Variants in PPARD observed in about 807,000 individuals in gnomAD.
PPARD encodes the protein peroxisome proliferator-activated receptor delta.
Under a neutral mutation model 39.5 loss-of-function variants are expected in PPARD, and 6 were observed. The observed-to-expected ratio is 0.15, with a 90% confidence interval of 0.08 to 0.30. The LOEUF is 0.30. PPARD is among the 10% of genes least tolerant of loss of function. PPARD has a pLI of 1.00. For missense variants in PPARD, 397 were observed against 596.8 expected (o/e 0.67, Z 3.49); for synonymous variants, 210 against 231.3 (o/e 0.91, Z 0.83).
intron 3 of PPARD, among the ~76,000 whole-genome samples, chr6:35,413,776 C>T (rs551960936): frequency 4.0e-5 from 6 of 151,860 alleles, no homozygotes; most frequent in East Asian, 1.9e-4. Flanking sequence ...CTCTGCCTCC[C>T]GGGCTCAAGC....
intron 2 of PPARD, among the ~76,000 whole-genome samples, chr6:35,364,431 CTTTTT>C (rs529866520): frequency 3.9e-5 from 5 of 127,176 alleles, no homozygotes; most frequent in East Asian, 4.3e-4. Flanking sequence ...CCATGTTTAA[CTTTTT>C]TTTTTTTTTT....
intron 5 of PPARD, among the ~76,000 whole-genome samples, chr6:35,422,268 A>G (rs1156902515): frequency 1.3e-5 from 2 of 152,300 alleles, no homozygotes; most frequent in East Asian, 3.9e-4. Context: ...AGCTTGAACA[A>G]TTTGGGGAAC....
chr6:35,402,835 G>T (rs1764791954), intron 2 of PPARD, among the ~76,000 whole-genome samples: 1 of 152,192 alleles, frequency 6.6e-6, no homozygotes, highest in Admixed American at 6.5e-5. Context: ...TTGGATTAAT[G>T]ATTGATAAGA....
chr6:35,403,013 A>C (rs1194980324), intron 2 of PPARD, among the ~76,000 whole-genome samples: 3 of 152,150 alleles, frequency 2.0e-5, no homozygotes, highest in Non-Finnish European at 1.5e-5. Context: ...GGTCACCTGC[A>C]TGTGGGGCGA....
chr6:35,385,580 T>C (rs1189346445), intron 2 of PPARD, among the ~76,000 whole-genome samples: 2 of 136,086 alleles, frequency 1.5e-5, no homozygotes, highest in Non-Finnish European at 3.1e-5. Context: ...ACTATTGTCC[T>C]ATGACCCTGC....
intron 2 of PPARD, among the ~76,000 whole-genome samples, chr6:35,368,596 A>G (rs531639633): frequency 1.2e-4 from 18 of 152,336 alleles, no homozygotes; most frequent in Admixed American, 2.0e-4. Context: ...AATGACTTCC[A>G]GAGGCTGGCA....
chr6:35,384,648 C>T (rs1317166586), intron 2 of PPARD, among the ~76,000 whole-genome samples: 4 of 68,506 alleles, frequency 5.8e-5, no homozygotes, highest in Admixed American at 1.2e-4. Flanking sequence ...CCGCCCCGTC[C>T]GGGAGGGAGG....
intron 4 of PPARD, 77 bp from the exon 5 acceptor site, chr6:35,421,743 A>G (rs1766184697): frequency 1.4e-6 from 2 of 1,474,818 alleles, no homozygotes; most frequent in Admixed American, 2.2e-5. Flanking sequence ...TTTACACCTT[A>G]TACATAATCG....
chr6:35,391,790 A>G (rs1276951273), intron 2 of PPARD, among the ~76,000 whole-genome samples: 1 of 152,168 alleles, frequency 6.6e-6, no homozygotes, highest in Non-Finnish European at 1.5e-5. Context: ...TTTCTGAGCT[A>G]TGTGAGACTG....
chr6:35,358,073 TAATTA>T (rs1166900960), intron 2 of PPARD, among the ~76,000 whole-genome samples: 2 of 152,164 alleles, frequency 1.3e-5, no homozygotes, highest in Admixed American at 6.6e-5. Flanking sequence ...TTTGCACATG[TAATTA>T]AATTAAGGAT....
rs149297252 is a variant in PPARD, at chr6:35,412,767, C to T, written c.130+1550C>T. The stretch of plus-strand genomic sequence containing the variant: ...ATTCTAGGGCCAAAGTGAAGGTGTC[C>T]GCCATTCCCCGAGTAAGCAACTTCC... On this transcript the variant is annotated intron_variant, in intron 3 of 7. Transcript: ENST00000360694. The surrounding 1 kb of genome is among the most constrained non-coding windows in gnomAD (Gnocchi z 4.1). Among the ~76,000 whole-genome samples, 3 of 152,216 alleles carry T rather than the reference C, an allele frequency of 2.0e-5. No homozygotes were observed. The highest frequency in any genetic ancestry group is 1.9e-4 in the East Asian group (1 of 5,170).
chr6:35,377,205 A>G (rs1002342069), intron 2 of PPARD, among the ~76,000 whole-genome samples: 1 of 152,166 alleles, frequency 6.6e-6, no homozygotes, highest in East Asian at 1.9e-4. Context: ...TCCACAGGCC[A>G]TTGTGGTGTC....
intron 1 of PPARD, among the ~76,000 whole-genome samples, chr6:35,345,221 T>C (rs1169066602): frequency 4.6e-5 from 7 of 152,192 alleles, no homozygotes; most frequent in African/African-American, 1.7e-4. Flanking sequence ...AAGGTAGTCA[T>C]GATTGTCAAT....
At chr6:35,384,185 C>T (rs1487309159) in intron 2 of PPARD, among the ~76,000 whole-genome samples, 3 of 104,080 alleles carry the variant, frequency 2.9e-5, no homozygotes, top group African/African-American at 1.1e-4. Flanking sequence ...CCCCTCTGCC[C>T]GGCCAGCGGC....
intron 2 of PPARD, chr6:35,349,129 C>T (rs1229115769): frequency 1.5e-6 from 1 of 686,756 alleles, no homozygotes; most frequent in East Asian, 1.4e-4. Flanking sequence ...GGGTTCACAC[C>T]ATTCTCCTGC....
At chr6:35,397,628 C>T in intron 2 of PPARD, 1 of 837,754 alleles carries the variant, frequency 1.2e-6, no homozygotes, top group Non-Finnish European at 1.4e-6. Context: ...TGCAATTATG[C>T]CAGTTGCTCC....
intron 2 of PPARD, among the ~76,000 whole-genome samples, chr6:35,376,945 G>A (rs776349833): frequency 2.0e-5 from 3 of 151,744 alleles, no homozygotes; most frequent in Non-Finnish European, 2.9e-5. Flanking sequence ...GCATGAACCC[G>A]GGAGGCAGAG....
At chr6:35,384,922 G>T (rs1386453730) in intron 2 of PPARD, among the ~76,000 whole-genome samples, 1 of 132,100 alleles carries the variant, frequency 7.6e-6, no homozygotes, top group Non-Finnish European at 1.6e-5. Flanking sequence ...GAAGTGAGGA[G>T]CCCCTCTGCC....
At chr6:35,371,579 C>G (rs1313086828) in intron 2 of PPARD, among the ~76,000 whole-genome samples, 1 of 152,134 alleles carries the variant, frequency 6.6e-6, no homozygotes, top group Admixed American at 6.6e-5. Flanking sequence ...GCCTTACTGA[C>G]AGCTTTAAAC....
Sources: allele counts gnomAD v4.1 joint callset (sites outside exome capture counted in the v4.1 genomes callset), GRCh38; gene constraint gnomAD v4.1.1; non-coding constraint Gnocchi (gnomAD v3.1); transcripts MANE v1.5; gene names NCBI Gene and HGNC (gene_info 2026-07-23, HGNC 2026-07-21).